Variants in RARB observed in about 807,000 individuals in gnomAD.
The protein encoded by RARB is retinoic acid receptor beta.
RARB carries 17 observed loss-of-function variants against 51.9 expected under a neutral mutation model. The observed-to-expected ratio is 0.33, with a 90% CI of 0.22 to 0.49. The LOEUF (loss-of-function observed/expected upper bound fraction) is 0.49, where lower values mean the gene tolerates loss of function less well. RARB is among the 20% of genes least tolerant of loss of function. RARB has a pLI of 0.99. For missense variants in RARB, 369 were observed against 550.8 expected (o/e 0.67, Z 3.30); for synonymous variants, 215 against 195.4 (o/e 1.10, Z -0.84).
intron 5 of RARB, among the ~76,000 whole-genome samples, chr3:25,313,735 T>C (rs991576184): frequency 6.6e-6 from 1 of 152,110 alleles, no homozygotes; most frequent in African/African-American, 2.4e-5. Context: ...AAATTATACA[T>C]ACAAAATTAT....
chr3:25,208,466 C>G (rs1422615830), intron 5 of RARB, among the ~76,000 whole-genome samples: 1 of 152,082 alleles, frequency 6.6e-6, no homozygotes, highest in Non-Finnish European at 1.5e-5. Context: ...TTTTGCGTTT[C>G]TTTGCTATAT....
intron 2 of RARB, among the ~76,000 whole-genome samples, chr3:25,059,553 G>A (rs764041229): frequency 2.6e-5 from 4 of 151,830 alleles, no homozygotes; most frequent in African/African-American, 4.8e-5. Context: ...ATTAGAATAC[G>A]TATTTAATGA....
intron 3 of RARB, among the ~76,000 whole-genome samples, chr3:25,517,546 A>T (rs1279786430): frequency 6.6e-6 from 1 of 152,178 alleles, no homozygotes; most frequent in Non-Finnish European, 1.5e-5. Context: ...TGCTAGTGGG[A>T]TCATAAATGG....
chr3:24,966,616 C>G (rs1696279302), intron 2 of RARB, among the ~76,000 whole-genome samples: 1 of 143,364 alleles, frequency 7.0e-6, no homozygotes, highest in Admixed American at 6.8e-5. Context: ...ATCTCTCTCT[C>G]TCTCTCTCTC....
chr3:25,304,814 A>T (rs1043888198), intron 5 of RARB, among the ~76,000 whole-genome samples: 20 of 152,184 alleles, frequency 1.3e-4, no homozygotes, highest in African/African-American at 4.8e-4. Context: ...AAGCTCTCTA[A>T]TGGCCTCCAT....
chr3:25,134,708 G>A (rs1700006258), intron 4 of RARB, among the ~76,000 whole-genome samples: 1 of 151,926 alleles, frequency 6.6e-6, no homozygotes, highest in Non-Finnish European at 1.5e-5. Flanking sequence ...GTAAGATCCA[G>A]AATGGATTAG....
At chr3:25,304,359 C>A (rs574331729) in intron 5 of RARB, among the ~76,000 whole-genome samples, 1 of 152,162 alleles carries the variant, frequency 6.6e-6, no homozygotes. Flanking sequence ...CTGTAAGATC[C>A]CCTCCACTTG....
At chr3:24,926,403 C>T (rs1216376510) in intron 2 of RARB, among the ~76,000 whole-genome samples, 2 of 152,160 alleles carry the variant, frequency 1.3e-5, no homozygotes, top group East Asian at 1.9e-4. Context: ...ATACAAATGG[C>T]AACAGTTTTG....
chr3:24,996,459 T>A (rs938568650), intron 2 of RARB, among the ~76,000 whole-genome samples: 14 of 152,202 alleles, frequency 9.2e-5, no homozygotes, highest in African/African-American at 3.4e-4. Context: ...CAATTCTGTT[T>A]ACTTCTGTTC....
chr3:25,417,010 C>A (rs1029435939), intron 5 of RARB, among the ~76,000 whole-genome samples: 1 of 152,120 alleles, frequency 6.6e-6, no homozygotes, highest in Non-Finnish European at 1.5e-5. Context: ...CATCAGTAAT[C>A]AACTTCATAT....
intron 2 of RARB, among the ~76,000 whole-genome samples, chr3:25,051,260 G>A (rs1698326834): frequency 6.6e-6 from 1 of 152,158 alleles, no homozygotes; most frequent in South Asian, 2.1e-4. Flanking sequence ...ATGTATGGGG[G>A]AGGAATAGAA....
chr3:25,422,338 A>G (rs1419738252), intron 5 of RARB, among the ~76,000 whole-genome samples: 1 of 152,178 alleles, frequency 6.6e-6, no homozygotes, highest in Non-Finnish European at 1.5e-5. Flanking sequence ...GGCACATCTA[A>G]TCTTAGCTTA....
rs114520418 is a variant in RARB, at chr3:25,246,598, G to A, written c.178+72023G>A. 4.0e-3 allele frequency among the ~76,000 whole-genome samples: 612 copies of A among 152,226 alleles called. 2 individuals carry two copies. The highest frequency in any genetic ancestry group is 0.014 in the African/African-American group (588 of 41,542). On this transcript the variant is annotated intron_variant, in intron 5 of 11. Transcript: ENST00000383772. ...GCCCCTTTTCTGCAGGTCTGCTGGA[G>A]TTTGCTGGGGTTCCACTCCAGATCC...
intron 3 of RARB, among the ~76,000 whole-genome samples, chr3:25,126,061 T>A (rs895447741): frequency 2.6e-5 from 4 of 152,182 alleles, no homozygotes; most frequent in Non-Finnish European, 5.9e-5. Flanking sequence ...GTTGAAAATG[T>A]AGTTGAGTAC....
At chr3:24,953,492 T>A (rs1343728540) in intron 2 of RARB, among the ~76,000 whole-genome samples, 1 of 152,194 alleles carries the variant, frequency 6.6e-6, no homozygotes, top group African/African-American at 2.4e-5. Context: ...GACTGAGCAC[T>A]TTCTTACATT....
intron 2 of RARB, among the ~76,000 whole-genome samples, chr3:24,921,892 C>T (rs11713674): frequency 0.22 from 33,389 of 152,126 alleles, 3,933 homozygotes; most frequent in East Asian, 0.33. Context: ...TAGGTTTAAG[C>T]AATTCATGAA....
chr3:25,365,199 CTTTTTTTTTTTTT>C (rs3035063), intron 5 of RARB, among the ~76,000 whole-genome samples: 7 of 75,448 alleles, frequency 9.3e-5, no homozygotes, highest in South Asian at 6.4e-4. Context: ...TTCTTTCTTT[CTTTTTTTTTTTTT>C]TTTTTTTTTT....
At chr3:25,070,254 C>G (rs779587986) in intron 3 of RARB, among the ~76,000 whole-genome samples, 5 of 152,190 alleles carry the variant, frequency 3.3e-5, no homozygotes, top group African/African-American at 1.2e-4. Flanking sequence ...CCAGTGTTAT[C>G]TCATCTGAAC....
At chr3:25,135,455 C>T (rs182902645) in intron 4 of RARB, among the ~76,000 whole-genome samples, 5 of 151,944 alleles carry the variant, frequency 3.3e-5, no homozygotes, top group African/African-American at 1.2e-4. Context: ...TAGCTGAAAA[C>T]CAGAGATGAG....
Sources: gnomAD v4.1 joint callset for allele counts (sites outside exome capture counted in the v4.1 genomes callset) on GRCh38, gnomAD v4.1.1 for gene constraint, MANE v1.5 for transcripts, NCBI Gene and HGNC (gene_info 2026-07-23, HGNC 2026-07-21) for gene names.